Variants in ALDH1A2 observed in about 807,000 individuals in gnomAD.
ALDH1A2 encodes retinal dehydrogenase 2.
Under a neutral mutation model 60.3 loss-of-function variants are expected in ALDH1A2, and 27 were observed. That is an observed-to-expected ratio of 0.45 (90% CI 0.33 to 0.62). ALDH1A2 has a LOEUF of 0.62. ALDH1A2 is among the 20% of genes least tolerant of loss of function. ALDH1A2 has a pLI of 0.02. For missense variants in ALDH1A2, 581 were observed against 643.8 expected (o/e 0.90, Z 1.06); for synonymous variants, 289 against 232.4 (o/e 1.24, Z -2.21).
chr15:58,056,916 C>T (rs1896909211), intron 1 of ALDH1A2, among the ~76,000 whole-genome samples: 1 of 152,076 alleles, frequency 6.6e-6, no homozygotes, highest in Non-Finnish European at 1.5e-5. Context: ...CTAATGGGAA[C>T]TCTGACACAC....
Position 57,961,137 on chromosome 15 carries a change from C to G in ALDH1A2, c.1409G>C (p.Trp470Ser). The part of the protein sequence containing the change: ...VSSAMQAGTV[W>S]INCYNALNAQ... ...GTTACAAGACTGACTCTGATCTTACCAAACAGTCCCAGCTTGCATTGCAGA... is the reference window on the plus strand; with the variant it reads ...GTTACAAGACTGACTCTGATCTTACGAAACAGTCCCAGCTTGCATTGCAGA... The change falls in exon 11 of 13, where the codon TGG becomes TCG. Residue 470 changes from tryptophan to serine, a missense_variant and splice_region_variant. Physicochemically the swap from Trp to Ser is radical, Grantham distance 177 (BLOSUM62 -3). This residue lies in a region of ALDH1A2 where 375 missense variants were observed against 469.7 expected (regional missense o/e 0.80). Transcript: ENST00000249750. 1 of 1,613,974 alleles carries G rather than the reference C, an allele frequency of 6.2e-7. No individual in the cohort carries two copies. Among genetic ancestry groups the G allele is most frequent in the Non-Finnish European group, 8.5e-7 (1 of 1,179,970 alleles).
intron 1 of ALDH1A2, among the ~76,000 whole-genome samples, chr15:58,047,620 A>G (rs1896667754): frequency 3.9e-5 from 6 of 152,008 alleles, no homozygotes; most frequent in Admixed American, 3.9e-4. Context: ...TAATATTTTT[A>G]ACTTTGAAAA....
chr15:57,996,931 C>G (rs1434601148), intron 4 of ALDH1A2, among the ~76,000 whole-genome samples: 1 of 151,810 alleles, frequency 6.6e-6, no homozygotes, highest in East Asian at 1.9e-4. Flanking sequence ...TGCTATTTTT[C>G]TATTGGGTTA....
intron 1 of ALDH1A2, among the ~76,000 whole-genome samples, chr15:58,015,953 A>C (rs1236215493): frequency 6.6e-6 from 1 of 152,168 alleles, no homozygotes. Flanking sequence ...TCCTTTGAAC[A>C]CAGTATAAAG....
Position 57,963,882 on chromosome 15 carries a change from T to C in ALDH1A2, c.1086+3A>G. ...ACAAAGGGAATGGTTATGATTTTTC[T>C]ACCTGGGGACCCTGCTCAGTGGTGG... On this transcript the variant is annotated splice_donor_region_variant and intron_variant, in intron 9 of 12. Transcript: ENST00000249750. 2.5e-6 allele frequency: 4 copies of C among 1,614,130 alleles called. No homozygotes were observed. Among genetic ancestry groups the C allele is most frequent in the Non-Finnish European group, 3.4e-6 (4 of 1,179,980 alleles).
intron 1 of ALDH1A2, among the ~76,000 whole-genome samples, chr15:58,050,176 T>G (rs1205275129): frequency 6.9e-6 from 1 of 145,810 alleles, no homozygotes; most frequent in Non-Finnish European, 1.5e-5. Flanking sequence ...GCCCTATTTA[T>G]TCAATAGTAT....
At chr15:57,980,524 G>T in intron 7 of ALDH1A2, 1 of 271,122 alleles carries the variant, frequency 3.7e-6, no homozygotes, top group South Asian at 5.5e-5. Flanking sequence ...AGATGCAGGT[G>T]AGTCCCTTGA....
chr15:57,958,053 A>G (rs978377032), intron 12 of ALDH1A2, among the ~76,000 whole-genome samples: 2 of 152,078 alleles, frequency 1.3e-5, no homozygotes. Context: ...AGTGATGTAT[A>G]CTGGAGTCAC....
At chr15:58,053,262 A>C (rs1399392227) in intron 1 of ALDH1A2, among the ~76,000 whole-genome samples, 1 of 152,194 alleles carries the variant, frequency 6.6e-6, no homozygotes, top group Non-Finnish European at 1.5e-5. Flanking sequence ...TTCTGAAGTC[A>C]TGTGTGCCTA....
chr15:58,042,602 C>A (rs1269048384), intron 1 of ALDH1A2, among the ~76,000 whole-genome samples: 3 of 151,904 alleles, frequency 2.0e-5, no homozygotes, highest in African/African-American at 7.2e-5. Context: ...TCTCATGTCC[C>A]AGAAAAGCTG....
rs185479371 is a variant in ALDH1A2, at chr15:57,970,754, C to T, written c.799-4927G>A. On this transcript the variant is annotated intron_variant, in intron 7 of 12. Coordinates refer to ENST00000249750, the MANE Select transcript of ALDH1A2 (RefSeq NM_003888.4). ...CTTTTTAAAAATGGAAAAATCTCTACTAGAGATCCCAGTAAACTAGTTAAA... is the reference window on the plus strand; with the variant it reads ...CTTTTTAAAAATGGAAAAATCTCTATTAGAGATCCCAGTAAACTAGTTAAA... 4.6e-5 allele frequency among the ~76,000 whole-genome samples: 7 copies of T among 152,234 alleles called. No homozygotes were observed. The East Asian group carries it at 1.2e-3, about 25-fold the overall frequency.
At position 57,992,935 on chromosome 15, in the gene ALDH1A2, T is replaced by C; in HGVS notation, c.684+10A>G. The C allele has an allele frequency of 6.2e-7, 1 of 1,614,044 alleles. No individual in the cohort carries two copies. Among genetic ancestry groups the C allele is most frequent in the Non-Finnish European group, 8.5e-7 (1 of 1,179,952 alleles). On this transcript the variant is annotated intron_variant, in intron 6 of 12. Transcript: ENST00000249750. The stretch of plus-strand genomic sequence containing the variant: ...GAGTCAGAAGCACTCCCGAAGTCCG[T>C]TTCTCTTACCTCCTTGATGAGGGCT...
intron 7 of ALDH1A2, among the ~76,000 whole-genome samples, chr15:57,982,519 ACT>A (rs1417562718): frequency 2.6e-5 from 4 of 152,130 alleles, no homozygotes; most frequent in African/African-American, 9.7e-5. Context: ...CTTTTAAGAG[ACT>A]CTAAGTAAAG....
At chr15:58,014,355 A>T (rs1895729750) in intron 1 of ALDH1A2, 74 bp from the exon 2 acceptor site, 8 of 1,088,066 alleles carry the variant, frequency 7.4e-6, no homozygotes, top group Admixed American at 1.7e-5. Flanking sequence ...AGTGTTACGG[A>T]ACTACTATGG....
chr15:58,046,988 C>G (rs1896654949), intron 1 of ALDH1A2, among the ~76,000 whole-genome samples: 1 of 152,016 alleles, frequency 6.6e-6, no homozygotes, highest in South Asian at 2.1e-4. Context: ...GCCATACAGC[C>G]TGCCTTGCTT....
chr15:57,965,741 A>G lies in ALDH1A2; in HGVS notation c.885T>C (p.Ile295=). The G allele has an allele frequency of 6.2e-7, 1 of 1,613,932 alleles. No individual in the cohort carries two copies. Among genetic ancestry groups the G allele is most frequent in the Non-Finnish European group, 8.5e-7 (1 of 1,179,798 alleles). Residue 295 remains isoleucine, a synonymous_variant, in exon 8 of 13, where the codon ATT becomes ATC. Transcript: ENST00000249750. The part of the protein sequence containing the change: ...LELGGKSPNI[I]FADADLDYAV... ...TTGACTTACAGTCAGCATCAGCAAAAATAATATTAGGACTTTTGCCTCCAA... is the reference window on the plus strand; with the variant it reads ...TTGACTTACAGTCAGCATCAGCAAAGATAATATTAGGACTTTTGCCTCCAA...
chr15:58,061,615 A>AAAAAAC (rs1897039936), intron 1 of ALDH1A2, among the ~76,000 whole-genome samples: 1 of 146,116 alleles, frequency 6.8e-6, no homozygotes, highest in Admixed American at 6.9e-5. Flanking sequence ...AAAAACAAAA[A>AAAAAAC]AAAAAAAAAA....
chr15:57,987,708 G>A (rs1028934226), intron 7 of ALDH1A2, among the ~76,000 whole-genome samples: 5 of 151,846 alleles, frequency 3.3e-5, no homozygotes, highest in East Asian at 1.9e-4. Context: ...GTGGAACCCC[G>A]TCTCTGCTAA....
At chr15:58,041,452 C>T (rs551484034) in intron 1 of ALDH1A2, among the ~76,000 whole-genome samples, 1 of 151,886 alleles carries the variant, frequency 6.6e-6, no homozygotes, top group Non-Finnish European at 1.5e-5. Context: ...AAAATACCAT[C>T]AACTTTGTGG....
Sources: gnomAD v4.1 joint callset for allele counts (sites outside exome capture counted in the v4.1 genomes callset) on GRCh38, gnomAD v4.1.1 for gene constraint, gnomAD v4.1.1 regional missense constraint, MANE v1.5 for transcripts, NCBI Gene and HGNC (gene_info 2026-07-23, HGNC 2026-07-21) for gene names.